RPS4X: variants seen among roughly 807,000 people sequenced by gnomAD.
RPS4X encodes ribosomal protein S4 X-linked, also known as small ribosomal subunit protein eS4, X isoform.
For synonymous variants in RPS4X, 76 were observed against 76.8 expected, an observed-to-expected ratio of 0.99 and a Z score of 0.06; for missense variants, 90 against 219.1, an observed-to-expected ratio of 0.41 and a Z score of 3.72.
At chrX:72,274,017 T>C in intron 4 of RPS4X, 45 bp from the exon 5 acceptor site, 1 of 1,136,771 alleles carries the variant, frequency 8.8e-7, no homozygotes, top group Middle Eastern at 2.4e-4. Context: ...ATCTCACATG[T>C]ACTTTTTAAC....
In RPS4X at chrX:72,272,148, T is replaced by C. The variant is rs1241649353; in HGVS notation, c.*523A>G. 1 of 112,946 alleles carries C rather than the reference T, an allele frequency of 8.9e-6. No homozygotes were observed. The highest frequency in any genetic ancestry group is 2.8e-4 in the East Asian group (1 of 3,584). 9.3% of individuals were successfully genotyped at this position (112,946 alleles called of 1,213,427 possible). ...AATAAGGGCACTAAGTCCAAGGAAC[T>C]GCAATGCTTTGCAACATCAACAGCC... On this transcript the variant is annotated 3_prime_UTR_variant, in exon 7 of 7. Coordinates refer to ENST00000316084, the MANE Select transcript of RPS4X (RefSeq NM_001007.5).
chrX:72,277,240 G>C lies in RPS4X; in HGVS notation c.-45C>G, dbSNP rs868264193. On this transcript the variant is annotated 5_prime_UTR_variant, in exon 1 of 7. Coordinates refer to ENST00000316084, the MANE Select transcript of RPS4X (RefSeq NM_001007.5). ...AGAGGACCTCCGTCTTCCGGTGCGC[G>C]TAGAAATTGGGGCTGGAGACTGCGC... 5 of 1,199,316 alleles carry C rather than the reference G, an allele frequency of 4.2e-6. No individual in the cohort carries two copies. The Middle Eastern group carries it at 7.0e-4, about 167-fold the overall frequency.
At chrX:72,274,005 C>A in intron 4 of RPS4X, 33 bp from the exon 5 acceptor site, 1 of 1,166,301 alleles carries the variant, frequency 8.6e-7, no homozygotes, top group Non-Finnish European at 1.2e-6. Flanking sequence ...CACATTCAAT[C>A]CATCTCACAT....
chrX:72,277,111 G>A, intron 1 of RPS4X, 82 bp downstream of exon 1: 1 of 1,119,311 alleles, frequency 8.9e-7, no homozygotes, highest in Non-Finnish European at 1.2e-6. Context: ...TCCCCAGTAG[G>A]AATCCCGAAA....
At chrX:72,273,756 T>C in intron 5 of RPS4X, 45 bp downstream of exon 5, 1 of 1,105,587 alleles carries the variant, frequency 9.0e-7, no homozygotes, top group Non-Finnish European at 1.2e-6. Flanking sequence ...TTCATAATGA[T>C]CTAGGCCTTA....
At chrX:72,275,202 T>C (rs2043197559) in intron 3 of RPS4X, 52 bp from the exon 4 acceptor site, 1 of 840,027 alleles carries the variant, frequency 1.2e-6, no homozygotes, top group East Asian at 3.2e-5. Context: ...CACTACCTCA[T>C]GCCGAGCAAC....
chrX:72,273,538 C>A lies in RPS4X; in HGVS notation c.533-149G>T. 3 of 659,403 alleles carry A rather than the reference C, an allele frequency of 4.5e-6. No individual in the cohort carries two copies. The South Asian group carries it at 9.4e-5, about 21-fold the overall frequency. The allele number at this position is 659,403 out of a possible 1,213,427, so 54.3% of individuals were successfully genotyped here. A position where few individuals can be genotyped will look rare whatever the true frequency, so the allele number is the denominator to read the frequency against. Reference sequence around the variant, plus strand: ...CCTATGCTAGGACTCCCGGGACTCTCGTAAGAAATTTTGTGGCCAGGCTTG... The same window carrying A: ...CCTATGCTAGGACTCCCGGGACTCTAGTAAGAAATTTTGTGGCCAGGCTTG... On this transcript the variant is annotated intron_variant, in intron 5 of 6. Coordinates refer to ENST00000316084, the MANE Select transcript of RPS4X (RefSeq NM_001007.5).
chrX:72,277,180 C>A lies in RPS4X; in HGVS notation c.3+13G>T. 2.0e-5 allele frequency: 24 copies of A among 1,211,321 alleles called. No homozygotes were observed. Among genetic ancestry groups the A allele is most frequent in the Non-Finnish European group, 2.7e-5 (24 of 895,042 alleles). On this transcript the variant is annotated intron_variant, in intron 1 of 6. Transcript: ENST00000316084. ...CGGATACGTCCTAAGAGCTCGCTAA[C>A]TAAACGGCTTACCATGGCTGCGTTA...
rs2043188005 is a variant in RPS4X at position 72,273,308 on chromosome X, A to G, written c.614T>C (p.Phe205Ser). Residue 205 changes from phenylalanine to serine, a missense_variant, in exon 6 of 7, where the codon TTT (phenylalanine) becomes TCT (serine). By Grantham distance (155) the Phe-to-Ser change is radical. Coordinates refer to ENST00000316084, the MANE Select transcript of RPS4X (RefSeq NM_001007.5). The stretch of plus-strand genomic sequence containing the variant: ...GGCATCTTTCACGTGAACCACGTCA[A>G]AAGATCCAGGGTGCCTCTCTCTGTT... Reference protein sequence around the residue: ...ITNRERHPGSFDVVHVKDANG... With the variant: ...ITNRERHPGSSDVVHVKDANG... 8.3e-7 allele frequency: 1 copy of G among 1,211,442 alleles called. No individual in the cohort carries two copies. Among genetic ancestry groups the G allele is most frequent in the Non-Finnish European group, 1.1e-6 (1 of 895,051 alleles).
chrX:72,275,175 CTACA>C (rs764125562), intron 3 of RPS4X, 25 bp from the exon 4 acceptor site: 2 of 1,035,784 alleles, frequency 1.9e-6, no homozygotes, highest in African/African-American at 3.7e-5. Flanking sequence ...TAACCGGTTA[CTACA>C]TACAGTGATC....
chrX:72,275,784 C>T, intron 2 of RPS4X, 60 bp from the exon 3 acceptor site: 1 of 977,099 alleles, frequency 1.0e-6, no homozygotes, highest in Non-Finnish European at 1.4e-6. Context: ...AACCTACCTC[C>T]TAGTCCACCA....
intron 6 of RPS4X, 112 bp downstream of exon 6, chrX:72,273,120 G>C (rs891200946): frequency 4.4e-5 from 31 of 701,519 alleles, no homozygotes; most frequent in Non-Finnish European, 6.5e-5. Flanking sequence ...ATCCAGAAGA[G>C]GCTTTGCACT....
At chrX:72,277,077 G>T in intron 1 of RPS4X, 116 bp downstream of exon 1, 1 of 909,789 alleles carries the variant, frequency 1.1e-6, no homozygotes, top group Non-Finnish European at 1.6e-6. Context: ...CGGAGGCCGT[G>T]ATCCCTTCGC....
In RPS4X at chrX:72,272,424, T is replaced by C; in HGVS notation, c.*247A>G. ...TACTCCGGGATTTCTTGGCTCTTTC[T>C]ACTCCTTGGTTAGTTGCTGTTCCTT... On this transcript the variant is annotated 3_prime_UTR_variant, in exon 7 of 7. Transcript: ENST00000316084. The C allele has an allele frequency of 3.1e-6, 1 of 323,671 alleles. No individual in the cohort carries two copies. The allele number at this position is 323,671 out of a possible 1,213,427, so 26.7% of individuals were successfully genotyped here.
rs762491291 is a variant in RPS4X, at chrX:72,272,777, A to G, written c.691-5T>C. 3 of 1,132,828 alleles carry G rather than the reference A, an allele frequency of 2.6e-6. No individual in the cohort carries two copies. The highest frequency in any genetic ancestry group is 3.6e-6 in the Non-Finnish European group (3 of 827,598). 93.4% of individuals were successfully genotyped at this position (1,132,828 alleles called of 1,213,427 possible). A position where few individuals can be genotyped will look rare whatever the true frequency, so the allele number is the denominator to read the frequency against. On this transcript the variant is annotated splice_polypyrimidine_tract_variant and splice_region_variant and intron_variant, in intron 6 of 6. Coordinates refer to ENST00000316084, the MANE Select transcript of RPS4X (RefSeq NM_001007.5). Reference sequence around the variant, plus strand: ...AGAAATCCATGGTTTGTTGCCCTGGAAGAGAAAACAAGCAGAATCAAAACC... The same window carrying G: ...AGAAATCCATGGTTTGTTGCCCTGGGAGAGAAAACAAGCAGAATCAAAACC...
intron 5 of RPS4X, 45 bp from the exon 6 acceptor site, chrX:72,273,434 A>T (rs771849177): frequency 9.0e-7 from 1 of 1,113,799 alleles, no homozygotes; most frequent in Admixed American, 2.8e-5. Flanking sequence ...ATAACAAATG[A>T]CAAGCAGCTC....
In RPS4X at chrX:72,273,160, A is replaced by C. The variant is rs2043187401; in HGVS notation, c.690+72T>G. Reference sequence around the variant, plus strand: ...TCAGCAGAGCCAGCCAGGAGCCTGGATGCTACAATCCCAGCAGCCACCTGC... The same window carrying C: ...TCAGCAGAGCCAGCCAGGAGCCTGGCTGCTACAATCCCAGCAGCCACCTGC... On this transcript the variant is annotated intron_variant, in intron 6 of 6. Coordinates refer to ENST00000316084, the MANE Select transcript of RPS4X (RefSeq NM_001007.5). The C allele has an allele frequency of 2.9e-6, 3 of 1,031,436 alleles. No homozygotes were observed. The South Asian group carries it at 6.5e-5, about 22-fold the overall frequency. The allele number at this position is 1,031,436 out of a possible 1,213,427, so 85.0% of individuals were successfully genotyped here.
At chrX:72,273,105 G>T in intron 6 of RPS4X, 127 bp downstream of exon 6, 1 of 617,502 alleles carries the variant, frequency 1.6e-6, no homozygotes, top group Non-Finnish European at 2.6e-6. Context: ...CTCTGCGTGA[G>T]TCCTATCCAG....
intron 6 of RPS4X, 88 bp downstream of exon 6, chrX:72,273,144 C>G: frequency 1.1e-6 from 1 of 943,978 alleles, no homozygotes; most frequent in Non-Finnish European, 1.5e-6. Flanking sequence ...TTCAGCAGAG[C>G]CAGCCAGGAG....
Sources: gnomAD v4.1 joint callset for allele counts on GRCh38, gnomAD v4.1.1 for gene constraint, MANE v1.5 for transcripts, NCBI Gene and HGNC (gene_info 2026-07-23, HGNC 2026-07-21) for gene names.